Variants in GLDC observed in about 807,000 individuals in gnomAD.
GLDC encodes glycine decarboxylase.
Under a neutral mutation model 121.3 loss-of-function variants are expected in GLDC, and 104 were observed. That is an observed-to-expected ratio of 0.86 (90% CI 0.73 to 1.01). The LOEUF (loss-of-function observed/expected upper bound fraction) is 1.01, where lower values mean the gene tolerates loss of function less well. Ranked by LOEUF, GLDC falls within the 50% of genes least tolerant of loss-of-function variation. The pLI is 0.00. For missense variants in GLDC, 1,429 were observed against 1,306.6 expected (o/e 1.09, Z -1.44); for synonymous variants, 546 against 480.6 (o/e 1.14, Z -1.78).
chr9:6,595,186 G>C (rs1818468317), intron 8 of GLDC, 67 bp from the exon 9 acceptor site: 9 of 1,029,196 alleles, frequency 8.7e-6, no homozygotes, highest in Admixed American at 1.7e-5. Context: ...GTAATTACTT[G>C]ACTTGGGATG....
At chr9:6,579,717 T>A (rs974130382) in intron 15 of GLDC, among the ~76,000 whole-genome samples, 4 of 152,170 alleles carry the variant, frequency 2.6e-5, no homozygotes, top group Admixed American at 6.5e-5. Flanking sequence ...TAATACTGAA[T>A]GTCAGCCAGC....
At chr9:6,545,164 C>T (rs1319728271) in intron 21 of GLDC, among the ~76,000 whole-genome samples, 2 of 151,890 alleles carry the variant, frequency 1.3e-5, no homozygotes, top group Non-Finnish European at 2.9e-5. Flanking sequence ...CTCATTCTAG[C>T]AGAATACAGT....
chr9:6,580,082 A>G (rs1333481287), intron 15 of GLDC, among the ~76,000 whole-genome samples: 3 of 152,164 alleles, frequency 2.0e-5, no homozygotes, highest in South Asian at 2.1e-4. Context: ...TTTCCCCTGA[A>G]GCACCCTGAA....
intron 18 of GLDC, 198 bp from the exon 19 acceptor site, chr9:6,554,979 T>A (rs1201746064): frequency 1.6e-6 from 1 of 635,278 alleles, no homozygotes; most frequent in African/African-American, 1.8e-5. Flanking sequence ...GCAGAGTGCT[T>A]GTGGTTGCTA....
intron 2 of GLDC, among the ~76,000 whole-genome samples, chr9:6,636,234 G>A (rs889598947): frequency 6.6e-6 from 1 of 152,102 alleles, no homozygotes; most frequent in African/African-American, 2.4e-5. Context: ...AACCCAGGAG[G>A]CGGAGGTTGC....
At chr9:6,630,608 C>T (rs1313401716) in intron 2 of GLDC, among the ~76,000 whole-genome samples, 3 of 152,148 alleles carry the variant, frequency 2.0e-5, no homozygotes, top group Non-Finnish European at 2.9e-5. Flanking sequence ...AAGGGGAAAG[C>T]TGGGGCCAGA....
intron 22 of GLDC, among the ~76,000 whole-genome samples, chr9:6,539,675 G>A (rs1287171441): frequency 1.3e-5 from 2 of 152,156 alleles, no homozygotes; most frequent in Non-Finnish European, 1.5e-5. Context: ...TCTAGAAGCA[G>A]CTGAAACAGC....
intron 22 of GLDC, 152 bp downstream of exon 22, chr9:6,539,899 T>C: frequency 3.0e-6 from 2 of 671,638 alleles, no homozygotes; most frequent in African/African-American, 3.6e-5. Context: ...AAGCAAACTT[T>C]TTTCTCTATT....
intron 16 of GLDC, among the ~76,000 whole-genome samples, chr9:6,560,410 G>A (rs1269946327): frequency 2.0e-5 from 3 of 152,224 alleles, no homozygotes; most frequent in African/African-American, 7.2e-5. Context: ...GAAGGTTTGT[G>A]TCCCTTTAGA....
chr9:6,619,776 T>G (rs35872509), intron 3 of GLDC, among the ~76,000 whole-genome samples: 11,617 of 152,008 alleles, frequency 0.076, 506 homozygotes, highest in Non-Finnish European at 0.096. Context: ...GGACCAAGAT[T>G]CTCTCCCAGA....
chr9:6,603,727 C>CTTTTTT (rs150768218), intron 7 of GLDC, among the ~76,000 whole-genome samples: 1 of 143,120 alleles, frequency 7.0e-6, no homozygotes, highest in Non-Finnish European at 1.5e-5. Context: ...CTTTTTTTTC[C>CTTTTTT]TTTTTTTTCT....
In GLDC at chr9:6,589,265, C is replaced by G. The variant is rs1038321056; in HGVS notation, c.1510G>C (p.Glu504Gln). ...ACAGACCCTGGAATACCTCTGCACT[C>G]CTCTCCCATGCTTTCAGCAACCAGT... ...AELVAESMGE[E>Q]CRGIPGSVFK... is the part of the protein sequence containing the mutation. The change falls in exon 12 of 25, where the codon GAG (glutamate) becomes CAG (glutamine). Residue 504 changes from glutamate (E) to glutamine (Q), a missense_variant. Physicochemically the swap from Glu to Gln is conservative, Grantham distance 29. Transcript: ENST00000321612. 5 of 1,609,516 alleles carry G rather than the reference C, an allele frequency of 3.1e-6. No individual in the cohort carries two copies. In the African/African-American group the frequency reaches 6.7e-5, roughly 22 times the overall value.
At chr9:6,622,159 G>GACAC (rs60752054) in intron 2 of GLDC, among the ~76,000 whole-genome samples, 42,615 of 145,154 alleles carry the variant, frequency 0.29, 6,344 homozygotes, top group South Asian at 0.45. Flanking sequence ...CACACACACA[G>GACAC]ACACACACAC....
chr9:6,577,850 T>C (rs1448131597), intron 15 of GLDC, among the ~76,000 whole-genome samples: 1 of 151,920 alleles, frequency 6.6e-6, no homozygotes, highest in African/African-American at 2.4e-5. Flanking sequence ...CTTTCCTTCC[T>C]TCTGCTTGCT....
chr9:6,537,233 TTG>T (rs1817147181), intron 22 of GLDC, among the ~76,000 whole-genome samples: 3 of 152,092 alleles, frequency 2.0e-5, no homozygotes, highest in Non-Finnish European at 4.4e-5. Flanking sequence ...TTTCACCATG[TTG>T]TCCGGGCTAC....
At chr9:6,546,346 C>G (rs1051044950) in intron 21 of GLDC, among the ~76,000 whole-genome samples, 2 of 151,266 alleles carry the variant, frequency 1.3e-5, no homozygotes, top group African/African-American at 2.4e-5. Flanking sequence ...GTGTGCACCA[C>G]CATGGTGGTT....
At chr9:6,619,875 C>G (rs1285300455) in intron 3 of GLDC, among the ~76,000 whole-genome samples, 1 of 152,148 alleles carries the variant, frequency 6.6e-6, no homozygotes, top group Non-Finnish European at 1.5e-5. Context: ...TGCCCACCTG[C>G]AGGTTTCACA....
At position 6,608,370 on chromosome 9, in the gene GLDC, C is replaced by G. The variant is rs1430122970; in HGVS notation, c.636-1701G>C. The stretch of plus-strand genomic sequence containing the variant: ...CCAGGAGGCGGAGCTTGCAGTGAGC[C>G]GAGATAGCGCCAGTGCACTCCAGCC... On this transcript the variant is annotated intron_variant, in intron 4 of 24. Coordinates refer to ENST00000321612, the MANE Select transcript of GLDC (RefSeq NM_000170.3). 1.5e-5 allele frequency among the ~76,000 whole-genome samples: 2 copies of G among 131,686 alleles called. 1 individual carries two copies. The highest frequency in any genetic ancestry group is 5.0e-4 in the South Asian group (2 of 4,024). 86.4% of individuals were successfully genotyped at this position (131,686 alleles called of 152,430 possible).
intron 3 of GLDC, among the ~76,000 whole-genome samples, chr9:6,619,325 A>C (rs1819033027): frequency 6.6e-6 from 1 of 152,032 alleles, no homozygotes; most frequent in Non-Finnish European, 1.5e-5. Context: ...GCTAGCAATA[A>C]AGCTGATATT....
Sources: gnomAD v4.1 joint callset for allele counts (sites outside exome capture counted in the v4.1 genomes callset) on GRCh38, gnomAD v4.1.1 for gene constraint, MANE v1.5 for transcripts, NCBI Gene and HGNC (gene_info 2026-07-23, HGNC 2026-07-21) for gene names.